The following CLN5 variants were observed in gnomAD, a reference collection of about 807,000 sequenced individuals.
The protein encoded by CLN5 is CLN5 lysosomal BMP synthase.
CLN5 carries 34 observed loss-of-function variants against 36.7 expected under a neutral mutation model. That is an observed-to-expected ratio of 0.93 (90% confidence interval 0.71 to 1.23). The LOEUF is 1.23. Among genes scored for constraint, CLN5 ranks in the 50% most tolerant of loss-of-function variants. CLN5 has a pLI of 0.00. For synonymous variants in CLN5, 151 were observed against 155.1 expected (o/e 0.97, Z 0.20); for missense variants, 427 against 439.4 (o/e 0.97, Z 0.25).
At position 77,001,949 on chromosome 13, in the gene CLN5, A is replaced by G. The variant is rs1389137065; in HGVS notation, c.*980A>G. 6.6e-6 allele frequency: 1 copy of G among 152,220 alleles called. No homozygotes were observed. The highest frequency in any genetic ancestry group is 2.4e-5 in the African/African-American group (1 of 41,456). The allele number at this position is 152,220 out of a possible 1,614,324, so 9.4% of individuals were successfully genotyped here. Reference sequence around the variant, plus strand: ...GGAAGAGGTTGCACTTCTCCGAGAGAGGACAGGTTTCTGTTAAGATCACCA... The same window carrying G: ...GGAAGAGGTTGCACTTCTCCGAGAGGGGACAGGTTTCTGTTAAGATCACCA... On this transcript the variant is annotated 3_prime_UTR_variant, in exon 4 of 4. Transcript: ENST00000377453.
At chr13:76,999,654 A>G (rs537159363) in intron 3 of CLN5, 1 of 152,348 alleles carries the variant, frequency 6.6e-6, no homozygotes, top group South Asian at 2.1e-4. Flanking sequence ...TTCATACTTT[A>G]TGTGTAGCAT....
At position 77,001,072 on chromosome 13, in the gene CLN5, TA is replaced by T; in HGVS notation, c.*106del. 1 of 1,044,736 alleles carries T rather than the reference TA, an allele frequency of 9.6e-7. No individual in the cohort carries two copies. The highest frequency in any genetic ancestry group is 1.4e-5 in the South Asian group (1 of 72,246). The allele number at this position is 1,044,736 out of a possible 1,614,324, so 64.7% of individuals were successfully genotyped here. ...TCCTTAGCCTTTCTTCCTTGGTGCA[TA>T]AAGTTAAAATGCACATCAGCAGAAT... On this transcript the variant is annotated 3_prime_UTR_variant, in exon 4 of 4. Coordinates refer to ENST00000377453, the MANE Select transcript of CLN5 (RefSeq NM_006493.4).
rs376336781 is a variant in CLN5 at position 76,995,113 on chromosome 13, C to G, written c.224C>G (p.Thr75Ser). The change falls in exon 2 of 4, where the codon ACT (threonine) becomes AGT (serine). Residue 75 changes from threonine to serine, a missense_variant. Thr to Ser is a moderately conservative substitution (Grantham distance 58). Coordinates refer to ENST00000377453, the MANE Select transcript of CLN5 (RefSeq NM_006493.4). ...GATCCTTATTGTCAAGCTAAGTATACTTTCTGTCCAACTGGCTCACCTATC... is the reference window on the plus strand; with the variant it reads ...GATCCTTATTGTCAAGCTAAGTATAGTTTCTGTCCAACTGGCTCACCTATC... ...KPDPYCQAKY[T>S]FCPTGSPIPV... 1 of 1,614,078 alleles carries G rather than the reference C, an allele frequency of 6.2e-7. No homozygotes were observed. The highest frequency in any genetic ancestry group is 1.1e-5 in the South Asian group (1 of 91,070).
In CLN5 at chr13:77,002,335, G is replaced by C. The variant is rs1187964089; in HGVS notation, c.*1366G>C. 2 of 152,228 alleles carry C rather than the reference G, an allele frequency of 1.3e-5. No individual in the cohort carries two copies. The highest frequency in any genetic ancestry group is 4.8e-5 in the African/African-American group (2 of 41,454). The allele number at this position is 152,228 out of a possible 1,614,324, so 9.4% of individuals were successfully genotyped here. On this transcript the variant is annotated 3_prime_UTR_variant, in exon 4 of 4. Coordinates refer to ENST00000377453, the MANE Select transcript of CLN5 (RefSeq NM_006493.4). The stretch of plus-strand genomic sequence containing the variant: ...GTCTTGAACCCCGGTTCTGCTGACT[G>C]AATTGGATGCACTATAGTACAGGCT...
chr13:76,993,735 C>T (rs186804971), intron 1 of CLN5: 14 of 152,104 alleles, frequency 9.2e-5, no homozygotes, highest in Admixed American at 9.2e-4. Flanking sequence ...AACACTGTAC[C>T]CAAGTAGCAG....
intron 3 of CLN5, chr13:76,998,446 T>C (rs1771265909): frequency 6.6e-6 from 1 of 152,262 alleles, no homozygotes; most frequent in African/African-American, 2.4e-5. Flanking sequence ...ATATGATTTA[T>C]GAAGCATTAC....
At chr13:76,994,732 A>T (rs756017170) in intron 1 of CLN5, 3 of 243,532 alleles carry the variant, frequency 1.2e-5, no homozygotes, top group Non-Finnish European at 2.4e-5. Context: ...AACACATTGG[A>T]AAAATGTTCA....
In CLN5 at chr13:77,000,793, A is replaced by G. The variant is rs2034347437; in HGVS notation, c.901A>G (p.Thr301Ala). ...FYYPFKPHLP[T>A]KEFLLSLLQI... is the part of the protein sequence containing the mutation. ...TTACCCCTTCAAACCACATTTGCCA[A>G]CTAAAGAATTTCTGTTGAGTCTCTT... Residue 301 changes from threonine to alanine, a missense_variant, in exon 4 of 4, where the codon ACT (threonine) becomes GCT (alanine). Physicochemically the swap from Thr to Ala is moderately conservative, Grantham distance 58. Transcript: ENST00000377453. 6.2e-7 allele frequency: 1 copy of G among 1,612,616 alleles called. No homozygotes were observed. Among genetic ancestry groups the G allele is most frequent in the African/African-American group, 1.3e-5 (1 of 74,912 alleles).
rs185825691 is a variant in CLN5, at chr13:77,003,666, G to A, written c.*2697G>A. On this transcript the variant is annotated 3_prime_UTR_variant, in exon 4 of 4. Coordinates refer to ENST00000377453, the MANE Select transcript of CLN5 (RefSeq NM_006493.4). ...TTGCTATTGTTATAGATGTAGGCTG[G>A]GTGCGGTGGCTTATGCCTGTAATCC... The A allele has an allele frequency of 6.6e-6, 1 of 152,322 alleles. No homozygotes were observed. Among genetic ancestry groups the A allele is most frequent in the African/African-American group, 2.4e-5 (1 of 41,564 alleles). 9.4% of individuals were successfully genotyped at this position (152,322 alleles called of 1,614,324 possible).
At position 77,000,986 on chromosome 13, in the gene CLN5, T is replaced by C; in HGVS notation, c.*17T>C. ...GGTTTATAAAACACCTTAATTCTAC[T>C]GCTCTTTTTTCTCCAATCACCAGCA... On this transcript the variant is annotated 3_prime_UTR_variant, in exon 4 of 4. Coordinates refer to ENST00000377453, the MANE Select transcript of CLN5 (RefSeq NM_006493.4). The C allele has an allele frequency of 6.3e-7, 1 of 1,597,334 alleles. No homozygotes were observed. The highest frequency in any genetic ancestry group is 8.5e-7 in the Non-Finnish European group (1 of 1,173,332).
intron 3 of CLN5, chr13:76,998,556 C>A (rs1442792424): frequency 6.6e-6 from 1 of 152,192 alleles, no homozygotes. Context: ...AGGAAGTAAT[C>A]ATGCTTCCTA....
At chr13:76,996,399 A>G (rs1488031918) in intron 3 of CLN5, 1 of 430,188 alleles carries the variant, frequency 2.3e-6, no homozygotes, top group African/African-American at 2.0e-5. Flanking sequence ...CGCACCCATC[A>G]CCCGAGCAGT....
intron 1 of CLN5, 145 bp from the exon 2 acceptor site, chr13:76,994,918 C>G (rs1468194689): frequency 8.8e-6 from 6 of 680,978 alleles, no homozygotes; most frequent in Non-Finnish European, 1.5e-5. Context: ...AGTTTGTTCA[C>G]AAGATAACAA....
At position 77,000,467 on chromosome 13, in the gene CLN5, T is replaced by C; in HGVS notation, c.575T>C (p.Phe192Ser). Residue 192 changes from phenylalanine (F) to serine (S), a missense_variant, in exon 4 of 4, where the codon TTC (phenylalanine) becomes TCC (serine). Transcript: ENST00000377453. ...VQVATISGNMFNQMAKWVKQD... is the reference protein window; with the variant it reads ...VQVATISGNMSNQMAKWVKQD... ...TGTTTTTTTAAACTAGGAAACATGT[T>C]CAACCAAATGGCAAAGTGGGTGAAA... is the stretch of plus-strand genomic sequence containing the variant. 1 of 1,613,012 alleles carries C rather than the reference T, an allele frequency of 6.2e-7. No homozygotes were observed. The highest frequency in any genetic ancestry group is 8.5e-7 in the Non-Finnish European group (1 of 1,179,614).
rs2034355779 is a variant in CLN5, at chr13:77,001,137, G to T, written c.*168G>T. ...CATCTCAGGACTCTTCTCTTGTAAAGAAGCTGAAATTCGTACTATATTGGC... is the reference window on the plus strand; with the variant it reads ...CATCTCAGGACTCTTCTCTTGTAAATAAGCTGAAATTCGTACTATATTGGC... On this transcript the variant is annotated 3_prime_UTR_variant, in exon 4 of 4. Coordinates refer to ENST00000377453, the MANE Select transcript of CLN5 (RefSeq NM_006493.4). The T allele has an allele frequency of 3.4e-6, 2 of 594,390 alleles. No homozygotes were observed. The highest frequency in any genetic ancestry group is 6.6e-5 in the Admixed American group (2 of 30,088). 36.8% of individuals were successfully genotyped at this position (594,390 alleles called of 1,614,324 possible).
At chr13:76,995,534 T>C (rs2154034672) in intron 2 of CLN5, 1 of 492,958 alleles carries the variant, frequency 2.0e-6, no homozygotes, top group East Asian at 3.9e-5. Context: ...TTGATTTCCA[T>C]ACTCTGTTGT....
rs1209255300 is a variant in CLN5, at chr13:77,004,467, T to C, written c.*3498T>C. The C allele has an allele frequency of 6.6e-6, 1 of 152,232 alleles. No individual in the cohort carries two copies. The highest frequency in any genetic ancestry group is 2.1e-4 in the South Asian group (1 of 4,836). 9.4% of individuals were successfully genotyped at this position (152,232 alleles called of 1,614,324 possible). On this transcript the variant is annotated 3_prime_UTR_variant, in exon 4 of 4. Transcript: ENST00000377453. ...ACTTAAAACAAGTTAGGATTATTTA[T>C]CCTTTTATTGGACTGATTATTCTAA...
At chr13:76,995,648 A>T (rs1318263164) in intron 2 of CLN5, 4 of 560,028 alleles carry the variant, frequency 7.1e-6, no homozygotes, top group Non-Finnish European at 1.3e-5. Flanking sequence ...TAAGGAAATT[A>T]TCAGCTTGTC....
chr13:76,996,246 T>G (rs2034266640), intron 3 of CLN5, 119 bp downstream of exon 3: 1 of 888,276 alleles, frequency 1.1e-6, no homozygotes, highest in Non-Finnish European at 1.8e-6. Flanking sequence ...TTGTAAAATG[T>G]ACTTTTGGAA....
Sources: gnomAD v4.1 joint callset for allele counts on GRCh38, gnomAD v4.1.1 for gene constraint, MANE v1.5 for transcripts, NCBI Gene and HGNC (gene_info 2026-07-23, HGNC 2026-07-21) for gene names.